Variants in MYO16 observed in about 807,000 individuals in gnomAD.
MYO16 encodes myosin XVI.
MYO16 carries 94 observed loss-of-function variants against 205.3 expected under a neutral mutation model. The ratio of observed to expected loss-of-function variants is 0.46; its 90% CI spans 0.39 to 0.54. The LOEUF (loss-of-function observed/expected upper bound fraction) is 0.54, where lower values mean the gene tolerates loss of function less well. Among genes scored for constraint, MYO16 ranks in the 20% least tolerant of loss-of-function variants. The pLI, the probability that MYO16 is intolerant of heterozygous loss-of-function variation, is 0.00. For missense variants in MYO16, 2,315 were observed against 2,387.5 expected (o/e 0.97, Z 0.63); for synonymous variants, 988 against 954.0 (o/e 1.04, Z -0.66).
chr13:108,849,525 TTGTGTGTG>T (rs112815062), intron 10 of MYO16, among the ~76,000 whole-genome samples: 3 of 127,756 alleles, frequency 2.3e-5, no homozygotes, highest in East Asian at 2.3e-4. Flanking sequence ...ATTTCCTCCT[TTGTGTGTG>T]TGTGTGTGTG....
At chr13:108,661,944 CTGT>C (rs996147512) in intron 1 of MYO16, among the ~76,000 whole-genome samples, 11 of 152,170 alleles carry the variant, frequency 7.2e-5, no homozygotes, top group African/African-American at 2.7e-4. Context: ...GGGCTGAAGG[CTGT>C]TGTTCAGATT....
the MYO16 span, among the ~76,000 whole-genome samples, chr13:108,531,216 A>G: frequency 2.3e-3 from 353 of 152,302 alleles, 2 homozygotes; most frequent in African/African-American, 8.1e-3. Context: ...AGGGCTTTGA[A>G]GCTGTATTAA....
chr13:108,645,547 A>G (rs888744340), intron 1 of MYO16, among the ~76,000 whole-genome samples: 7 of 151,570 alleles, frequency 4.6e-5, no homozygotes, highest in Non-Finnish European at 4.4e-5. Flanking sequence ...ACCTCCTTCC[A>G]CCTCCCACAA....
At chr13:109,133,690 C>G (rs1876642417) in intron 31 of MYO16, among the ~76,000 whole-genome samples, 2 of 152,186 alleles carry the variant, frequency 1.3e-5, no homozygotes, top group Non-Finnish European at 2.9e-5. Context: ...CCTACTTCAT[C>G]TCATTGACTT....
intron 4 of MYO16, among the ~76,000 whole-genome samples, chr13:108,754,058 G>A (rs1358054411): frequency 6.6e-6 from 1 of 152,192 alleles, no homozygotes; most frequent in Middle Eastern, 3.2e-3. Flanking sequence ...TGCTGTCACA[G>A]CACTCAGCTA....
chr13:108,981,892 T>G (rs1329633663), intron 20 of MYO16, among the ~76,000 whole-genome samples: 2 of 152,218 alleles, frequency 1.3e-5, no homozygotes, highest in African/African-American at 4.8e-5. Flanking sequence ...CTCTCCATTT[T>G]ATGAGTGATT....
the MYO16 span, among the ~76,000 whole-genome samples, chr13:108,569,931 G>T: frequency 6.6e-6 from 1 of 152,030 alleles, no homozygotes; most frequent in Non-Finnish European, 1.5e-5. Flanking sequence ...TAAATTAATT[G>T]TTGATTGATT....
chr13:108,509,129 T>G, the MYO16 span, among the ~76,000 whole-genome samples: 6 of 152,164 alleles, frequency 3.9e-5, no homozygotes, highest in African/African-American at 1.4e-4. Context: ...TAAAAGATAG[T>G]TAAAAGAACA....
the MYO16 span, among the ~76,000 whole-genome samples, chr13:108,525,447 T>C: frequency 6.6e-6 from 1 of 152,166 alleles, no homozygotes; most frequent in Non-Finnish European, 1.5e-5. Context: ...TTGCTGTGTT[T>C]TATTATTTCA....
the MYO16 span, among the ~76,000 whole-genome samples, chr13:108,562,308 G>T: frequency 6.6e-6 from 1 of 151,980 alleles, no homozygotes; most frequent in Non-Finnish European, 1.5e-5. Flanking sequence ...CTTCCCCAAG[G>T]CTCCACCTCC....
At chr13:108,771,204 G>C (rs1885952180) in intron 4 of MYO16, among the ~76,000 whole-genome samples, 1 of 152,034 alleles carries the variant, frequency 6.6e-6, no homozygotes, top group African/African-American at 2.4e-5. Flanking sequence ...CGGGGGGAGA[G>C]GGTAGTCCTC....
chr13:108,687,638 T>A (rs1411984093), intron 2 of MYO16, among the ~76,000 whole-genome samples: 1 of 152,214 alleles, frequency 6.6e-6, no homozygotes, highest in Non-Finnish European at 1.5e-5. Context: ...AAAAAGAACT[T>A]GATGTATTTG....
intron 12 of MYO16, among the ~76,000 whole-genome samples, chr13:108,881,045 G>A (rs963725256): frequency 5.9e-5 from 9 of 152,138 alleles, no homozygotes; most frequent in East Asian, 1.9e-4. Context: ...TCCCAGTAGC[G>A]GATGACTGAC....
intron 1 of MYO16, among the ~76,000 whole-genome samples, chr13:108,631,121 C>G (rs1477772924): frequency 6.6e-6 from 1 of 152,216 alleles, no homozygotes; most frequent in Non-Finnish European, 1.5e-5. Context: ...GAAATAGACA[C>G]AGGGCAATAC....
chr13:109,011,852 A>G (rs1477236417), intron 22 of MYO16, among the ~76,000 whole-genome samples: 3 of 152,112 alleles, frequency 2.0e-5, no homozygotes, highest in Non-Finnish European at 4.4e-5. Flanking sequence ...TGAAAGGCCT[A>G]AAACAATTAA....
intron 28 of MYO16, among the ~76,000 whole-genome samples, chr13:109,114,385 G>A (rs1875566044): frequency 6.6e-6 from 1 of 152,160 alleles, no homozygotes; most frequent in South Asian, 2.1e-4. Context: ...AAGGGTGTGT[G>A]CTTCTTTTAG....
chr13:108,598,859 T>C (rs1380658693), intron 1 of MYO16, among the ~76,000 whole-genome samples: 4 of 148,904 alleles, frequency 2.7e-5, no homozygotes, highest in Admixed American at 6.7e-5. Flanking sequence ...CTTTTTTTTT[T>C]ATTATACTTT....
chr13:109,128,764 T>C (rs1023082793), intron 31 of MYO16, among the ~76,000 whole-genome samples: 3 of 149,896 alleles, frequency 2.0e-5, no homozygotes, highest in African/African-American at 7.5e-5. Context: ...TGTCCACTTT[T>C]TTAGTTTTTT....
intron 16 of MYO16, among the ~76,000 whole-genome samples, chr13:108,911,934 G>T (rs1458906504): frequency 2.0e-5 from 3 of 152,228 alleles, no homozygotes; most frequent in Admixed American, 1.3e-4. Context: ...GCAACACATG[G>T]TGTTATTGTG....
Sources: gnomAD v4.1 joint callset for allele counts (sites outside exome capture counted in the v4.1 genomes callset) on GRCh38, gnomAD v4.1.1 for gene constraint, MANE v1.5 for transcripts, NCBI Gene and HGNC (gene_info 2026-07-23, HGNC 2026-07-21) for gene names.